Variants in HEXIM2 observed in about 807,000 individuals in gnomAD.
The protein encoded by HEXIM2 is protein HEXIM2.
For synonymous variants in HEXIM2, 159 were observed against 162.7 expected (o/e 0.98, Z 0.17); for missense variants, 413 against 390.8 (o/e 1.06, Z -0.48).
intron 3 of HEXIM2, among the ~76,000 whole-genome samples, chr17:45,166,940 G>T (rs564576183): frequency 3.4e-5 from 5 of 146,066 alleles, no homozygotes; most frequent in Non-Finnish European, 7.4e-5. Context: ...CAGGATAATC[G>T]CTTGAACCTG....
At chr17:45,164,881 A>G (rs2144059035) in intron 3 of HEXIM2, among the ~76,000 whole-genome samples, 1 of 152,278 alleles carries the variant, frequency 6.6e-6, no homozygotes, top group South Asian at 2.1e-4. Flanking sequence ...TGCCTAGCCC[A>G]TTCCGTGTTT....
chr17:45,169,129 G>A lies in HEXIM2; in HGVS notation c.181G>A (p.Ala61Thr). 1 of 1,613,954 alleles carries A rather than the reference G, an allele frequency of 6.2e-7. No homozygotes were observed. The highest frequency in any genetic ancestry group is 8.5e-7 in the Non-Finnish European group (1 of 1,180,036). ...SHSEDEDLAG[A>T]VGGLGWNSRS... ...CTCAGAGGATGAAGATCTTGCTGGG[G>A]CTGTCGGTGGCCTGGGCTGGAACAG... The change falls in exon 4 of 4, where the codon GCT becomes ACT. Residue 61 changes from alanine (A) to threonine (T), a missense_variant. By Grantham distance (58) the Ala-to-Thr change is moderately conservative. Transcript: ENST00000589230.
At chr17:45,166,158 T>C (rs2042838359) in intron 3 of HEXIM2, among the ~76,000 whole-genome samples, 1 of 152,002 alleles carries the variant, frequency 6.6e-6, no homozygotes, top group Non-Finnish European at 1.5e-5. Flanking sequence ...AGACTCCAGC[T>C]CTGTCACTCA....
chr17:45,161,129 A>C, upstream of HEXIM2: 1 of 420,908 alleles, frequency 2.4e-6, no homozygotes, highest in Non-Finnish European at 4.6e-6. Flanking sequence ...ACCCAGGCCG[A>C]ATGGGGGTGG....
rs142898515 is a variant in HEXIM2 at position 45,167,616 on chromosome 17, TTTTGTTTGTTTG to T, written c.67-1383_67-1372del. The stretch of plus-strand genomic sequence containing the variant: ...CCCTGTCTCTAAAAATAAGAGTCTT[TTTTGTTTGTTTG>T]TTTGTTTGTTTGTTTCGAGATGGAG... On this transcript the variant is annotated intron_variant, in intron 3 of 3. Coordinates refer to ENST00000589230, the MANE Select transcript of HEXIM2 (RefSeq NM_001303441.2). Among the ~76,000 whole-genome samples, 5 of 151,810 alleles carry T rather than the reference TTTTGTTTGTTTG, an allele frequency of 3.3e-5. No homozygotes were observed. In the South Asian group the frequency reaches 1.0e-3, roughly 32 times the overall value.
rs764140998 is a variant in HEXIM2, at chr17:45,161,898, G to A, written c.-326G>A. 59 of 985,556 alleles carry A rather than the reference G, an allele frequency of 6.0e-5. No homozygotes were observed. Among genetic ancestry groups the A allele is most frequent in the Non-Finnish European group, 6.7e-5 (56 of 830,140 alleles). The allele number at this position is 985,556 out of a possible 1,614,324, so 61.1% of individuals were successfully genotyped here. On this transcript the variant is annotated 5_prime_UTR_variant, in exon 1 of 4. Transcript: ENST00000589230. ...CTCTCTCTTCCCCCCCATCTTAGTG[G>A]CCTGAGCGGCTTGACCAGAGCTGCT...
intron 3 of HEXIM2, among the ~76,000 whole-genome samples, chr17:45,163,572 G>A (rs2144051039): frequency 6.6e-6 from 1 of 152,330 alleles, no homozygotes; most frequent in Non-Finnish European, 1.5e-5. Context: ...AACCAAGTCT[G>A]AAGCAGGAAG....
intron 3 of HEXIM2, among the ~76,000 whole-genome samples, chr17:45,166,954 G>A (rs1312100905): frequency 6.7e-6 from 1 of 149,980 alleles, no homozygotes; most frequent in African/African-American, 2.5e-5. Context: ...GAACCTGGGA[G>A]GTGGAGGTTG....
chr17:45,161,902 G>A lies in HEXIM2; in HGVS notation c.-322G>A, dbSNP rs1010498964. On this transcript the variant is annotated 5_prime_UTR_variant, in exon 1 of 4. Transcript: ENST00000589230. ...CTCTTCCCCCCCATCTTAGTGGCCT[G>A]AGCGGCTTGACCAGAGCTGCTGCAA... The A allele has an allele frequency of 6.1e-6, 6 of 985,640 alleles. No homozygotes were observed. The highest frequency in any genetic ancestry group is 5.2e-4 in the Middle Eastern group (1 of 1,914). The allele number at this position is 985,640 out of a possible 1,614,324, so 61.1% of individuals were successfully genotyped here.
upstream of HEXIM2, chr17:45,161,014 C>G: frequency 8.4e-7 from 1 of 1,187,456 alleles, no homozygotes; most frequent in Non-Finnish European, 1.1e-6. Context: ...TGTGGCCAGA[C>G]CTGCGACCTC....
At chr17:45,160,375 G>C (rs1394602117), upstream of HEXIM2, among the ~76,000 whole-genome samples, 1 of 152,056 alleles carries the variant, frequency 6.6e-6, no homozygotes, top group East Asian at 1.9e-4. Flanking sequence ...CAATGCACCA[G>C]TAGAACACAA....
upstream of HEXIM2, chr17:45,161,200 G>A (rs1438343085): frequency 8.4e-6 from 3 of 357,398 alleles, no homozygotes; most frequent in South Asian, 2.1e-5. Context: ...ACCGCAGAGG[G>A]AAGCCGTTTC....
intron 3 of HEXIM2, among the ~76,000 whole-genome samples, chr17:45,166,995 A>C (rs2042863993): frequency 8.0e-6 from 1 of 124,882 alleles, no homozygotes; most frequent in Non-Finnish European, 1.6e-5. Flanking sequence ...ACTGCACTCC[A>C]GCCTGGGTGA....
intron 3 of HEXIM2, among the ~76,000 whole-genome samples, chr17:45,164,469 AAAAC>A (rs1168349494): frequency 6.6e-6 from 1 of 151,170 alleles, no homozygotes; most frequent in Non-Finnish European, 1.5e-5. Flanking sequence ...AAAAACCAAA[AAAAC>A]AAAAAAACCT....
chr17:45,169,236 G>A lies in HEXIM2; in HGVS notation c.288G>A (p.Ser96=), dbSNP rs899367390. Residue 96 remains serine (S), a synonymous_variant, in exon 4 of 4, where the codon TCG becomes TCA. Coordinates refer to ENST00000589230, the MANE Select transcript of HEXIM2 (RefSeq NM_001303441.2). ...LARKKHRRRP[S]KRKRHWRPYL... Reference sequence around the variant, plus strand: ...GGAAGAAACACCGTCGGCGGCCATCGAAGCGCAAAAGGCACTGGCGACCCT... The same window carrying A: ...GGAAGAAACACCGTCGGCGGCCATCAAAGCGCAAAAGGCACTGGCGACCCT... 42 of 1,613,546 alleles carry A rather than the reference G, an allele frequency of 2.6e-5. No homozygotes were observed. The Admixed American group carries it at 3.3e-4, about 13-fold the overall frequency.
rs1250198321 is a variant in HEXIM2 at position 45,162,549 on chromosome 17, C to T, written c.-131C>T. The stretch of plus-strand genomic sequence containing the variant: ...CGAGGAGCAGGACAGAGAAGACGGC[C>T]CCTGAATCCCATTTGGCCCCTTGCT... On this transcript the variant is annotated 5_prime_UTR_variant, in exon 2 of 4. Coordinates refer to ENST00000589230, the MANE Select transcript of HEXIM2 (RefSeq NM_001303441.2). The T allele has an allele frequency of 2.9e-6, 4 of 1,360,536 alleles. No homozygotes were observed. The East Asian group carries it at 9.2e-5, about 31-fold the overall frequency. The allele number at this position is 1,360,536 out of a possible 1,614,324, so 84.3% of individuals were successfully genotyped here. A position where few individuals can be genotyped will look rare whatever the true frequency, so the allele number is the denominator to read the frequency against.
In HEXIM2 at chr17:45,169,386, C is replaced by T; in HGVS notation, c.438C>T (p.Phe146=). 6.2e-7 allele frequency: 1 copy of T among 1,613,938 alleles called. No individual in the cohort carries two copies. Among genetic ancestry groups the T allele is most frequent in the Non-Finnish European group, 8.5e-7 (1 of 1,180,010 alleles). ...QPVAPYNTTQ[F]LMNDRDPEEP... ...TGGCCCCCTACAACACCACCCAGTTCCTGATGAATGACAGGGACCCGGAGG... is the reference window on the plus strand; with the variant it reads ...TGGCCCCCTACAACACCACCCAGTTTCTGATGAATGACAGGGACCCGGAGG... The change falls in exon 4 of 4, where the codon TTC becomes TTT. Residue 146 remains phenylalanine, a synonymous_variant. Coordinates refer to ENST00000589230, the MANE Select transcript of HEXIM2 (RefSeq NM_001303441.2).
intron 1 of HEXIM2, 145 bp downstream of exon 1, chr17:45,162,176 G>A: frequency 3.1e-6 from 1 of 326,258 alleles, no homozygotes; most frequent in Non-Finnish European, 4.4e-6. Context: ...TTTCTGAGAG[G>A]AAGGAGGGAG....
rs773017611 is a variant in HEXIM2 at position 45,169,028 on chromosome 17, C to T, written c.80C>T (p.Pro27Leu). Residue 27 changes from proline to leucine, a missense_variant, in exon 4 of 4, where the codon CCG becomes CTG. Transcript: ENST00000589230. ...CCCTCTCTTTAGACCTCTGGTGCCC[C>T]GGGGAGCCCCCAAACACCCCCTGAG... The part of the protein sequence containing the change: ...ALEEAKTSGA[P>L]GSPQTPPERH... The T allele has an allele frequency of 5.6e-6, 9 of 1,609,732 alleles. No homozygotes were observed. Among genetic ancestry groups the T allele is most frequent in the African/African-American group, 1.3e-5 (1 of 74,862 alleles).
Sources: gnomAD v4.1 joint callset for allele counts (sites outside exome capture counted in the v4.1 genomes callset) on GRCh38, gnomAD v4.1.1 for gene constraint, MANE v1.5 for transcripts, NCBI Gene and HGNC (gene_info 2026-07-23, HGNC 2026-07-21) for gene names.